The following LIPI variants were observed in gnomAD, a reference collection of about 807,000 sequenced individuals.
LIPI encodes lipase member I.
Under a neutral mutation model 50.6 loss-of-function variants are expected in LIPI, and 59 were observed. The ratio of observed to expected loss-of-function variants is 1.16; its 90% CI spans 0.94 to 1.45. The LOEUF is 1.45. Ranked by LOEUF, LIPI falls within the 40% of genes most tolerant of loss-of-function variation. LIPI has a pLI of 0.00. For missense variants in LIPI, 586 were observed against 536.3 expected (o/e 1.09, Z -0.92); for synonymous variants, 203 against 178.2 (o/e 1.14, Z -1.11).
intron 4 of LIPI, among the ~76,000 whole-genome samples, chr21:14,169,358 T>A (rs966746560): frequency 6.6e-6 from 1 of 152,158 alleles, no homozygotes; most frequent in African/African-American, 2.4e-5. Context: ...CTGCACCAAG[T>A]GGACCTAATA....
chr21:14,142,722 G>C (rs938731990), intron 9 of LIPI, among the ~76,000 whole-genome samples: 1 of 151,650 alleles, frequency 6.6e-6, no homozygotes, highest in Non-Finnish European at 1.5e-5. Flanking sequence ...GGCCTCTAGT[G>C]ATCCTCCCGA....
At chr21:14,159,515 T>C (rs1242306756) in intron 7 of LIPI, among the ~76,000 whole-genome samples, 3 of 151,160 alleles carry the variant, frequency 2.0e-5, no homozygotes, top group Non-Finnish European at 4.4e-5. Flanking sequence ...TTATAGTGTA[T>C]CTACAAAAAA....
intron 9 of LIPI, among the ~76,000 whole-genome samples, chr21:14,131,350 T>C (rs543893782): frequency 1.3e-5 from 2 of 152,162 alleles, no homozygotes; most frequent in East Asian, 1.9e-4. Context: ...ACCACTGGGG[T>C]CTGAAGCCTG....
At chr21:14,139,333 C>G (rs902028724) in intron 9 of LIPI, among the ~76,000 whole-genome samples, 24 of 152,058 alleles carry the variant, frequency 1.6e-4, no homozygotes, top group Non-Finnish European at 7.4e-5. Flanking sequence ...CAACAATATA[C>G]TTTTTTTACA....
chr21:14,173,888 T>G (rs1417028632), intron 4 of LIPI, among the ~76,000 whole-genome samples: 4 of 151,896 alleles, frequency 2.6e-5, no homozygotes, highest in African/African-American at 4.8e-5. Flanking sequence ...GTGACTTGAT[T>G]GGGACAATGG....
chr21:14,153,147 T>C (rs913961851), intron 7 of LIPI, among the ~76,000 whole-genome samples: 1 of 152,172 alleles, frequency 6.6e-6, no homozygotes, highest in Non-Finnish European at 1.5e-5. Flanking sequence ...TGAATATATA[T>C]ATAAGGTAAG....
In LIPI at chr21:14,200,230, T is replaced by C. The variant is rs981217286; in HGVS notation, c.46+10570A>G. 7.2e-5 allele frequency among the ~76,000 whole-genome samples: 11 copies of C among 151,956 alleles called. No homozygotes were observed. The East Asian group carries it at 1.7e-3, about 24-fold the overall frequency. ...CCTCTCTCACCACTCCTGTTCAACATAGTATTGGTCCTGACCAGGGCAATC... is the reference window on the plus strand; with the variant it reads ...CCTCTCTCACCACTCCTGTTCAACACAGTATTGGTCCTGACCAGGGCAATC... On this transcript the variant is annotated intron_variant, in intron 1 of 9. Coordinates refer to ENST00000681601, the MANE Select transcript of LIPI (RefSeq NM_001302998.2).
At chr21:14,194,126 A>AAC (rs1023822871) in intron 1 of LIPI, among the ~76,000 whole-genome samples, 3 of 152,068 alleles carry the variant, frequency 2.0e-5, no homozygotes, top group Admixed American at 6.6e-5. Context: ...ACTTGCTAAA[A>AAC]ACACACACAC....
intron 9 of LIPI, among the ~76,000 whole-genome samples, chr21:14,138,763 A>G (rs992084284): frequency 6.6e-6 from 1 of 152,122 alleles, no homozygotes; most frequent in Non-Finnish European, 1.5e-5. Flanking sequence ...AATTTTTAGC[A>G]TTGTTAATCA....
chr21:14,170,699 T>C (rs1413160175), intron 4 of LIPI, among the ~76,000 whole-genome samples: 2 of 152,044 alleles, frequency 1.3e-5, no homozygotes, highest in Non-Finnish European at 2.9e-5. Context: ...AAATTAGGTA[T>C]TGATGGGATG....
At chr21:14,186,105 A>G in intron 2 of LIPI, 36 bp from the exon 3 acceptor site, 1 of 1,100,932 alleles carries the variant, frequency 9.1e-7, no homozygotes, top group Non-Finnish European at 1.4e-6. Context: ...TACAGTATTC[A>G]TTTCAAGTAA....
chr21:14,200,087 T>C (rs2019999396), intron 1 of LIPI, among the ~76,000 whole-genome samples: 1 of 152,062 alleles, frequency 6.6e-6, no homozygotes, highest in Admixed American at 6.6e-5. Flanking sequence ...AAACTATGTA[T>C]TGAAGGAACA....
chr21:14,172,051 G>T (rs995172230), intron 4 of LIPI, among the ~76,000 whole-genome samples: 1 of 152,144 alleles, frequency 6.6e-6, no homozygotes, highest in Non-Finnish European at 1.5e-5. Flanking sequence ...CAAAAAATGG[G>T]TGAAGGACAT....
chr21:14,143,140 A>G (rs2123054156), intron 9 of LIPI, among the ~76,000 whole-genome samples: 1 of 152,272 alleles, frequency 6.6e-6, no homozygotes, highest in East Asian at 1.9e-4. Context: ...GTTTTGGAAA[A>G]GAGAGAGTGA....
intron 4 of LIPI, among the ~76,000 whole-genome samples, chr21:14,168,351 G>A (rs1278803154): frequency 7.2e-5 from 11 of 152,106 alleles, no homozygotes; most frequent in Non-Finnish European, 1.5e-4. Context: ...TCAGATTCAG[G>A]AAATACAGAG....
chr21:14,131,680 G>A (rs2017301887), intron 9 of LIPI, among the ~76,000 whole-genome samples: 1 of 151,888 alleles, frequency 6.6e-6, no homozygotes, highest in South Asian at 2.1e-4. Flanking sequence ...CACCACCAAG[G>A]GACCGCAACA....
chr21:14,203,141 C>T (rs2020117531), intron 1 of LIPI, among the ~76,000 whole-genome samples: 1 of 152,186 alleles, frequency 6.6e-6, no homozygotes, highest in African/African-American at 2.4e-5. Context: ...GAGATACTAT[C>T]TCACACCAGC....
chr21:14,117,896 C>T (rs2016714968), intron 9 of LIPI, among the ~76,000 whole-genome samples: 1 of 151,956 alleles, frequency 6.6e-6, no homozygotes, highest in South Asian at 2.1e-4. Context: ...TTCTTGGCCA[C>T]AGCCCTGGTT....
At chr21:14,183,363 A>AT (rs2019341537) in intron 3 of LIPI, among the ~76,000 whole-genome samples, 1 of 152,238 alleles carries the variant, frequency 6.6e-6, no homozygotes, top group Non-Finnish European at 1.5e-5. Context: ...TCTTAAAGCG[A>AT]TAAAAACCCT....
Sources: gnomAD v4.1 joint callset for allele counts (sites outside exome capture counted in the v4.1 genomes callset) on GRCh38, gnomAD v4.1.1 for gene constraint, MANE v1.5 for transcripts, NCBI Gene and HGNC (gene_info 2026-07-23, HGNC 2026-07-21) for gene names.